The following SELP variants were observed in gnomAD, a reference collection of about 807,000 sequenced individuals.
SELP encodes the protein P-selectin.
SELP carries 92 observed loss-of-function variants against 104.1 expected under a neutral mutation model. The observed-to-expected ratio is 0.88, with a 90% CI of 0.75 to 1.05. The LOEUF (loss-of-function observed/expected upper bound fraction) is 1.05. SELP is among the 50% of genes least tolerant of loss of function. The pLI, the probability that SELP is intolerant of heterozygous loss-of-function variation, is 0.00. For missense variants in SELP, 1,022 were observed against 1,017.3 expected (o/e 1.00, Z -0.06); for synonymous variants, 397 against 364.5 (o/e 1.09, Z -1.01).
rs1324393330 is a variant in SELP at position 169,613,699 on chromosome 1, T to C, written c.482-6A>G. On this transcript the variant is annotated splice_region_variant and splice_polypyrimidine_tract_variant and intron_variant, in intron 3 of 16. Transcript: ENST00000263686. ...GGACATGTCCTGGCAGGAGGCTGCATAGATATGGAAAGGTCAGAGTCATGG... is the reference window on the plus strand; with the variant it reads ...GGACATGTCCTGGCAGGAGGCTGCACAGATATGGAAAGGTCAGAGTCATGG... The C allele has an allele frequency of 1.2e-6, 2 of 1,612,676 alleles. No individual in the cohort carries two copies. Among genetic ancestry groups the C allele is most frequent in the Admixed American group, 1.7e-5 (1 of 60,000 alleles).
rs1662875529 is a variant in SELP at position 169,617,389 on chromosome 1, T to C, written c.120A>G (p.Ala40=). The C allele has an allele frequency of 2.5e-6, 4 of 1,613,948 alleles. No individual in the cohort carries two copies. The Admixed American group carries it at 6.7e-5, about 27-fold the overall frequency. Residue 40 remains alanine (A), a synonymous_variant, in exon 3 of 17, where the codon GCA becomes GCG. Coordinates refer to ENST00000263686, the MANE Select transcript of SELP (RefSeq NM_003005.4). ...TTGTGCTGTAATGATAAGTCCATGC[T>C]GCCACTTCTTTCTGGTTTGTTAGTT... ...ISELTNQKEV[A]AWTYHYSTKA...
chr1:169,608,944 G>A (rs1424265928), intron 8 of SELP, among the ~76,000 whole-genome samples: 2 of 152,084 alleles, frequency 1.3e-5, no homozygotes, highest in African/African-American at 2.4e-5. Context: ...TATTGAAAGA[G>A]GATCATTTTG....
intron 9 of SELP, among the ~76,000 whole-genome samples, chr1:169,606,232 G>A (rs1310949878): frequency 6.6e-6 from 1 of 152,188 alleles, no homozygotes; most frequent in Admixed American, 6.5e-5. Context: ...CAGGAGAATT[G>A]CTTGAACCCG....
chr1:169,599,685 T>C (rs1388791365), intron 10 of SELP, among the ~76,000 whole-genome samples: 1 of 152,204 alleles, frequency 6.6e-6, no homozygotes, highest in Non-Finnish European at 1.5e-5. Flanking sequence ...GAGTTGAATA[T>C]TGTAAACTCA....
At chr1:169,595,612 A>G (rs975877317) in intron 12 of SELP, among the ~76,000 whole-genome samples, 69 of 152,316 alleles carry the variant, frequency 4.5e-4, no homozygotes, top group African/African-American at 1.4e-3. Flanking sequence ...TGCAACTTCT[A>G]GTTTACCAAT....
intron 10 of SELP, among the ~76,000 whole-genome samples, chr1:169,597,485 C>T (rs1661687066): frequency 6.6e-6 from 1 of 152,148 alleles, no homozygotes; most frequent in South Asian, 2.1e-4. Flanking sequence ...GCTTCAGAGA[C>T]CTCGTAGCCT....
rs1332087648 is a variant in SELP, at chr1:169,620,825, G to GTGTGTGTGTT, written c.4-1607_4-1606insAACACACACA. ...TGTGTGTGTGTGTGTGTGTGTGTGT[G>GTGTGTGTGTT]TGTATGTGTCATGCCACAGTGATGG... On this transcript the variant is annotated intron_variant, in intron 1 of 16. Transcript: ENST00000263686. Among the ~76,000 whole-genome samples, 10 of 131,544 alleles carry GTGTGTGTGTT rather than the reference G, an allele frequency of 7.6e-5. No homozygotes were observed. The South Asian group carries it at 1.4e-3, about 18-fold the overall frequency. 86.3% of individuals were successfully genotyped at this position (131,544 alleles called of 152,430 possible).
At chr1:169,627,080 TG>T (rs1663408340) in intron 1 of SELP, among the ~76,000 whole-genome samples, 1 of 152,152 alleles carries the variant, frequency 6.6e-6, no homozygotes, top group African/African-American at 2.4e-5. Flanking sequence ...GGGACAGGTT[TG>T]GTCTGGCATC....
chr1:169,611,635 A>G lies in SELP; in HGVS notation c.1004T>C (p.Met335Thr), dbSNP rs372045121. Reference sequence around the variant, plus strand: ...AGCAGTGAGCGGATGAACACAGTCCATGGTTCCTTCACTGGGGGCTTCCAG... The same window carrying G: ...AGCAGTGAGCGGATGAACACAGTCCGTGGTTCCTTCACTGGGGGCTTCCAG... ...QHLEAPSEGT[M>T]DCVHPLTAFA... is the part of the protein sequence containing the mutation. Residue 335 changes from methionine to threonine, a missense_variant, in exon 7 of 17, where the codon ATG becomes ACG. Physicochemically the swap from Met to Thr is moderately conservative, Grantham distance 81 (BLOSUM62 -1). Coordinates refer to ENST00000263686, the MANE Select transcript of SELP (RefSeq NM_003005.4). The G allele has an allele frequency of 2.5e-6, 4 of 1,614,122 alleles. No homozygotes were observed. Among genetic ancestry groups the G allele is most frequent in the Non-Finnish European group, 3.4e-6 (4 of 1,179,994 alleles).
chr1:169,624,279 AAAC>A (rs1290024645), intron 1 of SELP, among the ~76,000 whole-genome samples: 1 of 152,188 alleles, frequency 6.6e-6, no homozygotes. Flanking sequence ...TTAAATACTA[AAAC>A]AAGAGGAAAT....
intron 14 of SELP, among the ~76,000 whole-genome samples, 157 bp downstream of exon 14, chr1:169,593,448 A>G (rs554832553): frequency 6.6e-6 from 1 of 152,282 alleles, no homozygotes; most frequent in South Asian, 2.1e-4. Flanking sequence ...ATCAGTTCTC[A>G]AGATCACTTA....
chr1:169,611,783 A>G, intron 6 of SELP, 106 bp from the exon 7 acceptor site: 1 of 1,118,930 alleles, frequency 8.9e-7, no homozygotes, highest in Non-Finnish European at 1.3e-6. Flanking sequence ...AGCTAGCAAG[A>G]TGTAAAGGTC....
chr1:169,612,999 T>G lies in SELP; in HGVS notation c.705A>C (p.Gln235His). 6.2e-7 allele frequency: 1 copy of G among 1,613,870 alleles called. No individual in the cohort carries two copies. The highest frequency in any genetic ancestry group is 8.5e-7 in the Non-Finnish European group (1 of 1,179,820). Residue 235 changes from glutamine to histidine, a missense_variant, in exon 5 of 17, where the codon CAA becomes CAC. Transcript: ENST00000263686. ...QCSFHCTDGY[Q>H]VNGPSKLECL... Reference sequence around the variant, plus strand: ...ATTCCAGCTTGCTGGGCCCATTTACTTGGTACCCGTCAGTGCAGTGGAAGC... The same window carrying G: ...ATTCCAGCTTGCTGGGCCCATTTACGTGGTACCCGTCAGTGCAGTGGAAGC...
At chr1:169,596,506 G>A (rs1336849687) in intron 11 of SELP, among the ~76,000 whole-genome samples, 1 of 152,214 alleles carries the variant, frequency 6.6e-6, no homozygotes, top group African/African-American at 2.4e-5. Flanking sequence ...ACTGTTCTCT[G>A]ACTAAAGGTC....
intron 10 of SELP, among the ~76,000 whole-genome samples, chr1:169,597,469 C>A (rs771913510): frequency 1.6e-4 from 25 of 152,148 alleles, no homozygotes; most frequent in Admixed American, 1.1e-3. Context: ...TTTCTCTACA[C>A]CCTCTGCTTC....
chr1:169,626,913 C>G (rs147962793), intron 1 of SELP, among the ~76,000 whole-genome samples: 40 of 152,210 alleles, frequency 2.6e-4, no homozygotes, highest in Middle Eastern at 3.4e-3. Flanking sequence ...CCTGGAGCCC[C>G]TGGGCTCAAG....
At position 169,594,726 on chromosome 1, in the gene SELP, A is replaced by G. The variant is rs1661512497; in HGVS notation, c.2253T>C (p.Asn751=). The G allele has an allele frequency of 3.7e-6, 6 of 1,613,774 alleles. No homozygotes were observed. Among genetic ancestry groups the G allele is most frequent in the Non-Finnish European group, 5.1e-6 (6 of 1,179,774 alleles). ...NGSAQTACQE[N]GHWSTTVPTC... ...TTGGCACGGTAGTTGACCAGTGGCC[A>G]TTCTCTTGGCATGCTGTTTGTGCAG... The change falls in exon 13 of 17, where the codon AAT becomes AAC. Residue 751 remains asparagine, a synonymous_variant. Transcript: ENST00000263686.
intron 10 of SELP, among the ~76,000 whole-genome samples, chr1:169,600,645 C>T (rs1661860963): frequency 6.6e-6 from 1 of 152,188 alleles, no homozygotes; most frequent in African/African-American, 2.4e-5. Context: ...CCTCTGCTTA[C>T]TTGGAGGCCC....
Position 169,609,702 on chromosome 1 carries a change from G to C in SELP, c.1148-13C>G. 6.2e-7 allele frequency: 1 copy of C among 1,601,944 alleles called. No homozygotes were observed. Among genetic ancestry groups the C allele is most frequent in the Non-Finnish European group, 8.5e-7 (1 of 1,173,858 alleles). On this transcript the variant is annotated splice_polypyrimidine_tract_variant and intron_variant, in intron 7 of 16. Coordinates refer to ENST00000263686, the MANE Select transcript of SELP (RefSeq NM_003005.4). Reference sequence around the variant, plus strand: ...TCACACGAAATAGCTAAGTGGAAAAGGTATCTTCTAAAGCCAGGTAATGGA... The same window carrying C: ...TCACACGAAATAGCTAAGTGGAAAACGTATCTTCTAAAGCCAGGTAATGGA...
Sources: allele counts gnomAD v4.1 joint callset (sites outside exome capture counted in the v4.1 genomes callset), GRCh38; gene constraint gnomAD v4.1.1; transcripts MANE v1.5; gene names NCBI Gene and HGNC (gene_info 2026-07-23, HGNC 2026-07-21).